Variants in SPOCK3 observed in about 807,000 individuals in gnomAD.
SPOCK3 encodes testican-3.
In SPOCK3, 30 loss-of-function variants were observed where a neutral mutation model predicts 56.6. That is an observed-to-expected ratio of 0.53 (90% CI 0.40 to 0.72). SPOCK3 has a LOEUF of 0.72. Among genes scored for constraint, SPOCK3 ranks in the 30% least tolerant of loss-of-function variants. The pLI is 0.00. For synonymous variants in SPOCK3, 196 were observed against 183.3 expected (o/e 1.07, Z -0.56); for missense variants, 527 against 530.0 (o/e 0.99, Z 0.06).
intron 6 of SPOCK3, among the ~76,000 whole-genome samples, chr4:166,860,817 G>A (rs12646041): frequency 0.038 from 1,119 of 29,756 alleles, 5 homozygotes; most frequent in South Asian, 0.067. Flanking sequence ...ATATATATAT[G>A]TATATATATA....
At chr4:167,050,189 T>C (rs1754066896) in intron 3 of SPOCK3, among the ~76,000 whole-genome samples, 1 of 152,172 alleles carries the variant, frequency 6.6e-6, no homozygotes, top group African/African-American at 2.4e-5. Flanking sequence ...AATAGGTTAG[T>C]TAAAATTCTC....
chr4:166,856,204 A>G lies in SPOCK3; in HGVS notation c.589+32926T>C, dbSNP rs528084842. ...GGAGGAGGAAGTGGAGTGGGTAGAA[A>G]TAGGGGAGAAGTTGGCCAATGGGCA... is the stretch of plus-strand genomic sequence containing the variant. On this transcript the variant is annotated intron_variant, in intron 6 of 10. Transcript: ENST00000357545. 2.0e-5 allele frequency among the ~76,000 whole-genome samples: 3 copies of G among 150,036 alleles called. No individual in the cohort carries two copies. In the South Asian group the frequency reaches 6.3e-4, roughly 32 times the overall value.
At chr4:166,752,430 A>G (rs1231293940) in intron 8 of SPOCK3, among the ~76,000 whole-genome samples, 1 of 152,006 alleles carries the variant, frequency 6.6e-6, no homozygotes, top group Non-Finnish European at 1.5e-5. Flanking sequence ...TTTCCACACT[A>G]TGCAACTGTA....
intron 6 of SPOCK3, among the ~76,000 whole-genome samples, chr4:166,801,332 A>C (rs1212399479): frequency 6.6e-6 from 1 of 152,142 alleles, no homozygotes; most frequent in African/African-American, 2.4e-5. Flanking sequence ...TATTGTTTTA[A>C]GTTACCATCT....
chr4:166,899,608 G>T (rs1182782912), intron 5 of SPOCK3, among the ~76,000 whole-genome samples: 1 of 148,128 alleles, frequency 6.8e-6, no homozygotes, highest in African/African-American at 2.5e-5. Flanking sequence ...CCAGGTTAAA[G>T]CGATTCTCCT....
At chr4:167,161,205 CA>C (rs2150440247) in intron 2 of SPOCK3, among the ~76,000 whole-genome samples, 1 of 152,184 alleles carries the variant, frequency 6.6e-6, no homozygotes, top group East Asian at 1.9e-4. Context: ...AAGAAAAAAA[CA>C]ACCCCATTAA....
intron 2 of SPOCK3, among the ~76,000 whole-genome samples, chr4:167,230,897 T>A (rs1342800950): frequency 6.6e-6 from 1 of 152,106 alleles, no homozygotes; most frequent in Non-Finnish European, 1.5e-5. Flanking sequence ...CAAAAATACT[T>A]GAGGTTTCTC....
intron 2 of SPOCK3, among the ~76,000 whole-genome samples, chr4:167,066,308 C>T (rs1462404618): frequency 1.3e-5 from 2 of 151,738 alleles, no homozygotes; most frequent in African/African-American, 2.4e-5. Flanking sequence ...GCATTGCTCG[C>T]TATTTAGTAC....
chr4:167,082,448 G>C (rs1185130177), intron 2 of SPOCK3, among the ~76,000 whole-genome samples: 1 of 151,988 alleles, frequency 6.6e-6, no homozygotes, highest in African/African-American at 2.4e-5. Flanking sequence ...AAATAAAGTT[G>C]TGTTGTAATT....
chr4:167,114,385 C>T (rs1761159434), intron 2 of SPOCK3, among the ~76,000 whole-genome samples: 1 of 152,038 alleles, frequency 6.6e-6, no homozygotes, highest in South Asian at 2.1e-4. Context: ...ACAGAGAACC[C>T]GAACAGAGTT....
At chr4:166,778,165 A>C (rs1265590965) in intron 7 of SPOCK3, among the ~76,000 whole-genome samples, 1 of 152,228 alleles carries the variant, frequency 6.6e-6, no homozygotes, top group Non-Finnish European at 1.5e-5. Flanking sequence ...TGAAAAGCAG[A>C]AGCTATCAAA....
chr4:167,187,860 C>T (rs1481930857), intron 2 of SPOCK3, among the ~76,000 whole-genome samples: 4 of 152,096 alleles, frequency 2.6e-5, no homozygotes, highest in Non-Finnish European at 1.5e-5. Context: ...CCATGAAGGA[C>T]ACTTTATTGT....
chr4:166,884,158 C>G (rs989181596), intron 6 of SPOCK3, among the ~76,000 whole-genome samples: 2 of 151,936 alleles, frequency 1.3e-5, no homozygotes, highest in African/African-American at 4.8e-5. Flanking sequence ...TCGAGATCAA[C>G]CTGGCTAACA....
intron 3 of SPOCK3, among the ~76,000 whole-genome samples, chr4:167,019,632 G>C (rs1389542222): frequency 1.3e-5 from 2 of 151,828 alleles, no homozygotes; most frequent in African/African-American, 4.8e-5. Context: ...AAAGTAGTAA[G>C]CAATAAATCA....
At chr4:166,764,272 T>G (rs886447452) in intron 7 of SPOCK3, among the ~76,000 whole-genome samples, 1 of 152,154 alleles carries the variant, frequency 6.6e-6, no homozygotes, top group Non-Finnish European at 1.5e-5. Context: ...ACATGTACCA[T>G]GTTGGTGTGC....
chr4:167,039,633 A>G (rs187163832), intron 3 of SPOCK3, among the ~76,000 whole-genome samples: 1 of 151,258 alleles, frequency 6.6e-6, no homozygotes, highest in African/African-American at 2.4e-5. Flanking sequence ...AAATGAGTAG[A>G]GGATAGAAAT....
rs760767254 is a variant in SPOCK3 at position 166,947,551 on chromosome 4, G to A, written c.351-34808C>T. Among the ~76,000 whole-genome samples, 50 of 151,984 alleles carry A rather than the reference G, an allele frequency of 3.3e-4. 1 individual carries two copies. Among genetic ancestry groups the A allele is most frequent in the Non-Finnish European group, 7.4e-5 (5 of 67,984 alleles). On this transcript the variant is annotated intron_variant, in intron 4 of 10. Transcript: ENST00000357545. ...AAATGAGATTATTGGATCTAAGAATGTAATATGTTGCTATTCCAATTACAG... is the reference window on the plus strand; with the variant it reads ...AAATGAGATTATTGGATCTAAGAATATAATATGTTGCTATTCCAATTACAG...
intron 5 of SPOCK3, among the ~76,000 whole-genome samples, chr4:166,910,020 G>T (rs1737087100): frequency 6.6e-6 from 1 of 152,040 alleles, no homozygotes; most frequent in African/African-American, 2.4e-5. Context: ...ACATATTGAA[G>T]TCCTTAATTT....
intron 4 of SPOCK3, among the ~76,000 whole-genome samples, chr4:166,957,725 C>CT (rs1249667013): frequency 6.6e-6 from 1 of 152,172 alleles, no homozygotes; most frequent in Non-Finnish European, 1.5e-5. Context: ...GGTTTAATGA[C>CT]TAACCTGCGG....
Sources: allele counts gnomAD v4.1 joint callset (sites outside exome capture counted in the v4.1 genomes callset), GRCh38; gene constraint gnomAD v4.1.1; transcripts MANE v1.5; gene names NCBI Gene and HGNC (gene_info 2026-07-23, HGNC 2026-07-21).